The following PCNX1 variants were observed in gnomAD, a reference collection of about 807,000 sequenced individuals.
PCNX1 encodes pecanex-like protein 1.
PCNX1 carries 78 observed loss-of-function variants against 242.2 expected under a neutral mutation model. The ratio of observed to expected loss-of-function variants is 0.32; its 90% CI spans 0.27 to 0.39. PCNX1 has a LOEUF of 0.39. Ranked by LOEUF, PCNX1 falls within the 10% of genes least tolerant of loss-of-function variation. PCNX1 has a pLI of 1.00. For synonymous variants in PCNX1, 1,024 were observed against 1,032.9 expected (o/e 0.99, Z 0.17); for missense variants, 2,581 against 2,856.5 (o/e 0.90, Z 2.20).
intron 10 of PCNX1, chr14:71,011,829 T>C (rs2059829204): frequency 3.3e-6 from 1 of 305,542 alleles, no homozygotes. Context: ...GGCTGTGTTA[T>C]ATATAGGAAG....
chr14:71,048,461 AT>A (rs1242351402), intron 22 of PCNX1, among the ~76,000 whole-genome samples: 1 of 152,140 alleles, frequency 6.6e-6, no homozygotes, highest in Admixed American at 6.5e-5. Flanking sequence ...CATAAGATAG[AT>A]GTTCTAGGCC....
intron 24 of PCNX1, among the ~76,000 whole-genome samples, chr14:71,052,373 C>T (rs919771188): frequency 1.3e-5 from 2 of 151,880 alleles, no homozygotes; most frequent in East Asian, 3.9e-4. Context: ...GCCACCACGT[C>T]GGTTAATTTT....
chr14:70,991,472 G>A (rs992030136), intron 7 of PCNX1, among the ~76,000 whole-genome samples: 7 of 152,134 alleles, frequency 4.6e-5, no homozygotes, highest in African/African-American at 9.7e-5. Context: ...TCAAAGTGCC[G>A]GGATTACAGG....
chr14:71,045,875 A>G (rs1325976202), intron 20 of PCNX1, among the ~76,000 whole-genome samples: 1 of 152,204 alleles, frequency 6.6e-6, no homozygotes, highest in Non-Finnish European at 1.5e-5. Context: ...TTTCCTTACC[A>G]CTGTAAACCC....
intron 1 of PCNX1, among the ~76,000 whole-genome samples, chr14:70,939,934 A>G (rs904055228): frequency 1.3e-5 from 2 of 152,110 alleles, no homozygotes; most frequent in African/African-American, 4.8e-5. Context: ...CTGTCTTATC[A>G]GAGACTAGGA....
In PCNX1 at chr14:70,988,717, C is replaced by T. The variant is rs1435952952; in HGVS notation, c.2444+18C>T. ...CCCCTAAGGTATGGTATTTTCAATT[C>T]CACCAAGTTTAGCATGCATGTAACA... On this transcript the variant is annotated intron_variant, in intron 7 of 35. Transcript: ENST00000304743. 1.9e-6 allele frequency: 3 copies of T among 1,606,764 alleles called. No individual in the cohort carries two copies. The highest frequency in any genetic ancestry group is 2.6e-6 in the Non-Finnish European group (3 of 1,174,386).
chr14:70,978,779 T>G, intron 6 of PCNX1, 131 bp downstream of exon 6: 1 of 821,980 alleles, frequency 1.2e-6, no homozygotes, highest in South Asian at 2.5e-5. Context: ...TAAGCTTTCT[T>G]GAATGAAGAA....
At chr14:70,950,893 TTTTA>T (rs1321263971) in intron 2 of PCNX1, among the ~76,000 whole-genome samples, 1 of 152,070 alleles carries the variant, frequency 6.6e-6, no homozygotes, top group Non-Finnish European at 1.5e-5. Context: ...GTTTATAGCA[TTTTA>T]TTTGTCAGTG....
intron 2 of PCNX1, among the ~76,000 whole-genome samples, chr14:70,951,778 A>G (rs150683761): frequency 1.7e-3 from 248 of 149,720 alleles, no homozygotes; most frequent in African/African-American, 6.1e-3. Context: ...TTTGATGACA[A>G]TTCTATTAAA....
chr14:71,031,991 C>T, intron 16 of PCNX1: 1 of 1,153,018 alleles, frequency 8.7e-7, no homozygotes. Flanking sequence ...TTGTCTCATG[C>T]CAAGAAAGAA....
chr14:70,908,440 C>A (rs2055670032), intron 1 of PCNX1, among the ~76,000 whole-genome samples: 1 of 152,122 alleles, frequency 6.6e-6, no homozygotes. Flanking sequence ...CCGCCCCCGC[C>A]GCGGCCCTCG....
chr14:71,047,633 A>G (rs1298477525), intron 21 of PCNX1, among the ~76,000 whole-genome samples, 174 bp from the exon 22 acceptor site: 1 of 152,198 alleles, frequency 6.6e-6, no homozygotes, highest in African/African-American at 2.4e-5. Context: ...TTAAAAGGGA[A>G]TAGTCAGATA....
At position 71,105,368 on chromosome 14, in the gene PCNX1, A is replaced by G. The variant is rs1296727860; in HGVS notation, c.6229A>G (p.Ser2077Gly). 4.3e-6 allele frequency: 7 copies of G among 1,613,982 alleles called. No homozygotes were observed. Among genetic ancestry groups the G allele is most frequent in the East Asian group, 4.5e-5 (2 of 44,894 alleles). Residue 2077 changes from serine to glycine, a missense_variant, in exon 33 of 36, where the codon AGC (serine) becomes GGC (glycine). Ser to Gly is a moderately conservative substitution (Grantham distance 56). This residue lies in a region of PCNX1 where 432 missense variants were observed against 433.6 expected (regional missense o/e 1.00). Transcript: ENST00000304743. The stretch of plus-strand genomic sequence containing the variant: ...TCCCCACAGCAACGTGACCCAGGGA[A>G]GCATTGGAAATCCTGGGCAGGGATC... ...NNPHSNVTQG[S>G]IGNPGQGSGT...
At chr14:71,055,860 A>G (rs1219859358) in intron 25 of PCNX1, among the ~76,000 whole-genome samples, 2 of 152,240 alleles carry the variant, frequency 1.3e-5, no homozygotes, top group Non-Finnish European at 2.9e-5. Flanking sequence ...AAAACTGGTC[A>G]GATGTTTGAA....
intron 16 of PCNX1, among the ~76,000 whole-genome samples, chr14:71,029,254 T>C (rs2060318396): frequency 6.6e-6 from 1 of 152,184 alleles, no homozygotes; most frequent in Admixed American, 6.5e-5. Context: ...GGATGAGCCT[T>C]ATGAACTTTC....
intron 26 of PCNX1, among the ~76,000 whole-genome samples, chr14:71,061,445 G>T (rs1240475929): frequency 6.6e-6 from 1 of 152,160 alleles, no homozygotes; most frequent in Non-Finnish European, 1.5e-5. Flanking sequence ...TTTTATTGGT[G>T]ATCTTTATCC....
chr14:71,017,330 G>A (rs2059986249), intron 11 of PCNX1, among the ~76,000 whole-genome samples: 1 of 152,116 alleles, frequency 6.6e-6, no homozygotes, highest in African/African-American at 2.4e-5. Context: ...TCAACAAATG[G>A]TGGTGGAACA....
intron 5 of PCNX1, among the ~76,000 whole-genome samples, chr14:70,974,059 A>G (rs1257512146): frequency 1.3e-5 from 2 of 149,764 alleles, no homozygotes; most frequent in African/African-American, 4.9e-5. Flanking sequence ...ACACAATTAT[A>G]TGTGGTTTTT....
At chr14:70,972,994 A>G (rs944736564) in intron 5 of PCNX1, among the ~76,000 whole-genome samples, 1 of 152,142 alleles carries the variant, frequency 6.6e-6, no homozygotes. Flanking sequence ...ACTTACCCCT[A>G]TAATCCCAGC....
Sources: gnomAD v4.1 joint callset for allele counts (sites outside exome capture counted in the v4.1 genomes callset) on GRCh38, gnomAD v4.1.1 for gene constraint, gnomAD v4.1.1 regional missense constraint, MANE v1.5 for transcripts, NCBI Gene and HGNC (gene_info 2026-07-23, HGNC 2026-07-21) for gene names.